The following SFI1 variants were observed in gnomAD, a reference collection of about 807,000 sequenced individuals.
SFI1 encodes the protein SFI1 centrin binding protein.
In SFI1, 195 loss-of-function variants were observed where a neutral mutation model predicts 207.5. The ratio of observed to expected loss-of-function variants is 0.94; its 90% CI spans 0.84 to 1.06. SFI1 has a LOEUF of 1.06. Among genes scored for constraint, SFI1 ranks in the 50% least tolerant of loss-of-function variants. The pLI, the probability that SFI1 is intolerant of heterozygous loss-of-function variation, is 0.00. For missense variants in SFI1, 1,634 were observed against 1,588.0 expected, an observed-to-expected ratio of 1.03 and a Z score of -0.49; for synonymous variants, 630 against 598.9, an observed-to-expected ratio of 1.05 and a Z score of -0.76.
chr22:31,529,869 CTA>C (rs2058294577), intron 3 of SFI1, among the ~76,000 whole-genome samples: 1 of 151,958 alleles, frequency 6.6e-6, no homozygotes, highest in South Asian at 2.1e-4. Context: ...AGGTTTAACT[CTA>C]TAAGACAAGC....
intron 2 of SFI1, 47 bp downstream of exon 2, chr22:31,508,423 A>G (rs2054981118): frequency 7.6e-7 from 1 of 1,310,298 alleles, no homozygotes; most frequent in Non-Finnish European, 1.1e-6. Context: ...ATGATGGTTC[A>G]TATAAAACTA....
chr22:31,544,769 A>AT (rs911048077), intron 4 of SFI1, among the ~76,000 whole-genome samples: 2 of 152,098 alleles, frequency 1.3e-5, no homozygotes, highest in African/African-American at 4.8e-5. Flanking sequence ...AAAAAGTCAG[A>AT]TTTTTATTTT....
chr22:31,606,556 T>C (rs2069009654), intron 21 of SFI1, 126 bp downstream of exon 21: 2 of 674,984 alleles, frequency 3.0e-6, no homozygotes, highest in Non-Finnish European at 5.1e-6. Flanking sequence ...TGGGTAACTT[T>C]CCTCCAGCAC....
intron 6 of SFI1, among the ~76,000 whole-genome samples, chr22:31,555,108 A>G (rs763608807): frequency 2.5e-4 from 37 of 149,434 alleles, no homozygotes; most frequent in Non-Finnish European, 4.9e-4. Flanking sequence ...AATGTTCTAT[A>G]TTTACTTGAA....
At chr22:31,564,768 C>T (rs2062088553) in intron 8 of SFI1, among the ~76,000 whole-genome samples, 1 of 151,482 alleles carries the variant, frequency 6.6e-6, no homozygotes. Flanking sequence ...CCTCGGCCTC[C>T]CAAAGTGCTG....
At chr22:31,599,004 G>A (rs1490022348) in intron 15 of SFI1, among the ~76,000 whole-genome samples, 9 of 150,236 alleles carry the variant, frequency 6.0e-5, no homozygotes, top group African/African-American at 2.0e-4. Flanking sequence ...GTGTTGGTCA[G>A]GCTGATCTCG....
chr22:31,604,178 AC>A (rs1414254735), intron 18 of SFI1, 130 bp from the exon 19 acceptor site: 1 of 691,886 alleles, frequency 1.4e-6, no homozygotes, highest in Non-Finnish European at 2.5e-6. Context: ...CCTAAGAAGC[AC>A]GTATTTATAG....
intron 11 of SFI1, among the ~76,000 whole-genome samples, chr22:31,579,403 C>T (rs989470107): frequency 1.3e-5 from 2 of 151,616 alleles, no homozygotes; most frequent in Non-Finnish European, 1.5e-5. Context: ...GCAAGCTCTG[C>T]CTCCGGGGTT....
chr22:31,556,278 A>G (rs992854968), intron 6 of SFI1, among the ~76,000 whole-genome samples: 1 of 149,522 alleles, frequency 6.7e-6, no homozygotes, highest in Non-Finnish European at 1.5e-5. Context: ...GCTAGAGTGC[A>G]ATGGCGTGAT....
intron 19 of SFI1, 102 bp from the exon 20 acceptor site, chr22:31,604,767 C>T: frequency 3.7e-6 from 4 of 1,082,690 alleles, no homozygotes; most frequent in Admixed American, 5.1e-5. Flanking sequence ...TTTTTGAGTT[C>T]TCTGGGCATG....
At position 31,501,162 on chromosome 22, in the gene SFI1, A is replaced by G. The variant is rs534088392; in HGVS notation, c.-31+4525A>G. ...CAATGCTATTGCACACTTAACTACA[A>G]GTGTAGACATAACTTTTTTTTTTTT... is the stretch of plus-strand genomic sequence containing the variant. On this transcript the variant is annotated intron_variant, in intron 1 of 32. Coordinates refer to ENST00000400288, the MANE Select transcript of SFI1 (RefSeq NM_001007467.3). 2.0e-5 allele frequency among the ~76,000 whole-genome samples: 3 copies of G among 148,892 alleles called. No homozygotes were observed. In the South Asian group the frequency reaches 6.3e-4, roughly 31 times the overall value.
At chr22:31,498,179 C>T (rs2053070534) in intron 1 of SFI1, among the ~76,000 whole-genome samples, 1 of 152,128 alleles carries the variant, frequency 6.6e-6, no homozygotes, top group African/African-American at 2.4e-5. Context: ...CCCATAATCC[C>T]AGCTACTGGG....
intron 7 of SFI1, chr22:31,559,700 C>A: frequency 1.2e-6 from 1 of 830,596 alleles, no homozygotes; most frequent in Admixed American, 1.7e-5. Flanking sequence ...TATGCAGAAT[C>A]CATGCCAGTA....
In SFI1 at chr22:31,577,851, G is replaced by A. The variant is rs183427494; in HGVS notation, c.1085-531G>A. Reference sequence around the variant, plus strand: ...GGAGGAGGCTCACTTACCAGTCTACGTAAGGGACGAGTTGGATGAACTGCA... The same window carrying A: ...GGAGGAGGCTCACTTACCAGTCTACATAAGGGACGAGTTGGATGAACTGCA... On this transcript the variant is annotated intron_variant, in intron 10 of 32. Transcript: ENST00000400288. 3.8e-3 allele frequency: 578 copies of A among 152,682 alleles called. 2 individuals are homozygous for A. Among genetic ancestry groups the A allele is most frequent in the Non-Finnish European group, 6.7e-3 (460 of 68,286 alleles). 9.5% of individuals were successfully genotyped at this position (152,682 alleles called of 1,614,324 possible).
At chr22:31,561,500 G>A (rs539360163) in intron 8 of SFI1, 108 bp downstream of exon 8, 1 of 914,330 alleles carries the variant, frequency 1.1e-6, no homozygotes, top group African/African-American at 1.7e-5. Context: ...CTGAGAGGGG[G>A]TGGGGACAGA....
rs1486589308 is a variant in SFI1, at chr22:31,616,893, C to T, written c.3433+16C>T. ...TCAACTGCAGGTGTGTACCTGGGGC[C>T]TGTCAGGGCAGAAAGCACTCAGGCC... On this transcript the variant is annotated intron_variant, in intron 30 of 32. Transcript: ENST00000400288. 1.2e-6 allele frequency: 2 copies of T among 1,605,130 alleles called. No individual in the cohort carries two copies. Among genetic ancestry groups the T allele is most frequent in the African/African-American group, 1.3e-5 (1 of 74,578 alleles).
intron 15 of SFI1, 110 bp from the exon 16 acceptor site, chr22:31,602,102 T>A (rs1185789367): frequency 1.1e-6 from 1 of 922,670 alleles, no homozygotes; most frequent in Non-Finnish European, 1.7e-6. Context: ...TCACCTCTTA[T>A]ACGATAGCAT....
intron 31 of SFI1, among the ~76,000 whole-genome samples, chr22:31,617,669 T>C (rs2071921611): frequency 1.3e-5 from 2 of 150,196 alleles, no homozygotes; most frequent in Non-Finnish European, 3.0e-5. Flanking sequence ...TGCAGTGAGC[T>C]GAGATCACGC....
In SFI1 at chr22:31,607,748, G is replaced by A. The variant is rs1330946860; in HGVS notation, c.2158-189G>A. ...CAGCAGCTGAAATGCTGGGCTTCCTGTGAGGGGCTGGGGCCCTGTCCTATT... is the reference window on the plus strand; with the variant it reads ...CAGCAGCTGAAATGCTGGGCTTCCTATGAGGGGCTGGGGCCCTGTCCTATT... On this transcript the variant is annotated intron_variant, in intron 21 of 32. Coordinates refer to ENST00000400288, the MANE Select transcript of SFI1 (RefSeq NM_001007467.3). The A allele has an allele frequency of 8.4e-6, 4 of 475,706 alleles. No individual in the cohort carries two copies. In the Admixed American group the frequency reaches 1.3e-4, roughly 16 times the overall value. 29.5% of individuals were successfully genotyped at this position (475,706 alleles called of 1,614,324 possible).
Sources: gnomAD v4.1 joint callset for allele counts (sites outside exome capture counted in the v4.1 genomes callset) on GRCh38, gnomAD v4.1.1 for gene constraint, MANE v1.5 for transcripts, NCBI Gene and HGNC (gene_info 2026-07-23, HGNC 2026-07-21) for gene names.